Variants in CDH13 observed in about 807,000 individuals in gnomAD.
CDH13 encodes the protein cadherin-13.
Under a neutral mutation model 63.8 loss-of-function variants are expected in CDH13, and 24 were observed. That is an observed-to-expected ratio of 0.38 (90% CI 0.27 to 0.53). The LOEUF (loss-of-function observed/expected upper bound fraction) is 0.53. CDH13 is among the 20% of genes least tolerant of loss of function. CDH13 has a pLI of 0.85. For missense variants in CDH13, 1,049 were observed against 903.1 expected, an observed-to-expected ratio of 1.16 and a Z score of -2.07; for synonymous variants, 503 against 355.3, an observed-to-expected ratio of 1.42 and a Z score of -4.67.
intron 4 of CDH13, among the ~76,000 whole-genome samples, chr16:83,152,131 T>C (rs1342932356): frequency 1.3e-5 from 2 of 152,162 alleles, no homozygotes; most frequent in African/African-American, 2.4e-5. Flanking sequence ...AGAAATACCA[T>C]TTGTGATTAA....
At chr16:83,235,080 C>G (rs1344958681) in intron 5 of CDH13, among the ~76,000 whole-genome samples, 2 of 152,152 alleles carry the variant, frequency 1.3e-5, no homozygotes, top group African/African-American at 4.8e-5. Flanking sequence ...TGTTATGCAC[C>G]TATAATCCTA....
intron 4 of CDH13, among the ~76,000 whole-genome samples, chr16:83,184,127 TACAC>T (rs1195476406): frequency 1.9e-5 from 1 of 53,022 alleles, no homozygotes; most frequent in Non-Finnish European, 4.2e-5. Flanking sequence ...CACACACACA[TACAC>T]ACACACACAA....
intron 1 of CDH13, among the ~76,000 whole-genome samples, chr16:82,654,690 A>G (rs1025781092): frequency 6.6e-6 from 1 of 152,086 alleles, no homozygotes; most frequent in Non-Finnish European, 1.5e-5. Flanking sequence ...GTGGGCAAAG[A>G]TACAAATGCT....
chr16:83,306,212 A>G (rs149602904), intron 5 of CDH13, among the ~76,000 whole-genome samples: 7 of 152,366 alleles, frequency 4.6e-5, no homozygotes, highest in African/African-American at 7.2e-5. Context: ...AAAGTATTCT[A>G]TAAACAAGGG....
Position 83,296,159 on chromosome 16 carries a change from T to C in CDH13, c.637-48703T>C, listed in dbSNP as rs561465459. On this transcript the variant is annotated intron_variant, in intron 5 of 13. Coordinates refer to ENST00000567109, the MANE Select transcript of CDH13 (RefSeq NM_001257.5). ...TCTCAGAGAACATGTGTATAGTCCT[T>C]GTATAGGGCCATAATTTTCAGATAC... is the stretch of plus-strand genomic sequence containing the variant. 3.3e-5 allele frequency among the ~76,000 whole-genome samples: 5 copies of C among 152,228 alleles called. No homozygotes were observed. The South Asian group carries it at 1.0e-3, about 32-fold the overall frequency.
intron 1 of CDH13, among the ~76,000 whole-genome samples, chr16:82,835,871 T>G (rs768243037): frequency 8.5e-5 from 13 of 152,180 alleles, no homozygotes; most frequent in Non-Finnish European, 1.6e-4. Context: ...AATGAATGTA[T>G]GTCTTGATCA....
chr16:83,265,585 T>G (rs573344696), intron 5 of CDH13, among the ~76,000 whole-genome samples: 3 of 151,926 alleles, frequency 2.0e-5, no homozygotes, highest in Admixed American at 6.6e-5. Context: ...ATTTTAATGG[T>G]TTTTTTTGTT....
chr16:82,900,923 C>A (rs903836897), intron 2 of CDH13, among the ~76,000 whole-genome samples: 6 of 152,204 alleles, frequency 3.9e-5, no homozygotes, highest in Non-Finnish European at 8.8e-5. Flanking sequence ...ATCCCAAGCA[C>A]TAAATCCCAG....
intron 6 of CDH13, chr16:83,396,519 A>T (rs1376890004): frequency 6.6e-6 from 1 of 152,116 alleles, no homozygotes; most frequent in African/African-American, 2.4e-5. Flanking sequence ...TTTTTGTATC[A>T]TAATGACCTT....
At chr16:83,551,220 C>G (rs7500204) in intron 7 of CDH13, among the ~76,000 whole-genome samples, 1 of 152,086 alleles carries the variant, frequency 6.6e-6, no homozygotes, top group East Asian at 1.9e-4. Flanking sequence ...TAGCTGGGAT[C>G]ACAGGTGTAC....
intron 5 of CDH13, among the ~76,000 whole-genome samples, chr16:83,299,564 C>T (rs1349186973): frequency 6.6e-6 from 1 of 152,214 alleles, no homozygotes; most frequent in East Asian, 1.9e-4. Context: ...GTTCATTCCA[C>T]ATAAGTGTAT....
intron 2 of CDH13, among the ~76,000 whole-genome samples, chr16:82,922,449 A>C (rs1567664189): frequency 1.3e-5 from 2 of 152,316 alleles, no homozygotes; most frequent in Non-Finnish European, 2.9e-5. Flanking sequence ...GTTTCGAAGA[A>C]GCAAACATGA....
intron 5 of CDH13, among the ~76,000 whole-genome samples, chr16:83,280,404 G>C (rs556961698): frequency 1.3e-5 from 2 of 152,264 alleles, no homozygotes; most frequent in African/African-American, 2.4e-5. Context: ...GAGATGGCAG[G>C]AATTCATTCA....
At chr16:82,890,076 T>C (rs7201829) in intron 2 of CDH13, among the ~76,000 whole-genome samples, 120,942 of 152,216 alleles carry the variant, frequency 0.79, 48,166 homozygotes, top group East Asian at 0.87. Context: ...ACTAGCATTT[T>C]CATATGTTTC....
intron 5 of CDH13, among the ~76,000 whole-genome samples, chr16:83,280,912 T>C (rs2089150579): frequency 6.6e-6 from 1 of 152,242 alleles, no homozygotes; most frequent in Non-Finnish European, 1.5e-5. Flanking sequence ...AGCAGTGGGC[T>C]CAAAATATTC....
chr16:83,701,450 G>A (rs1006860712), intron 10 of CDH13, among the ~76,000 whole-genome samples: 8 of 152,144 alleles, frequency 5.3e-5, no homozygotes, highest in Non-Finnish European at 1.0e-4. Context: ...GGCCACATCC[G>A]GTCGTAGGCC....
At chr16:83,565,168 G>C (rs2075771066) in intron 7 of CDH13, among the ~76,000 whole-genome samples, 1 of 151,954 alleles carries the variant, frequency 6.6e-6, no homozygotes, top group Non-Finnish European at 1.5e-5. Context: ...TCAGACTCTT[G>C]TCCTCTAGAA....
chr16:83,680,564 T>C (rs1171294903), intron 10 of CDH13, among the ~76,000 whole-genome samples: 1 of 152,062 alleles, frequency 6.6e-6, no homozygotes, highest in Non-Finnish European at 1.5e-5. Context: ...AAGGTCACCT[T>C]ACTATTAAAC....
chr16:82,795,167 G>A (rs1333136832), intron 1 of CDH13, among the ~76,000 whole-genome samples: 1 of 152,226 alleles, frequency 6.6e-6, no homozygotes, highest in Admixed American at 6.5e-5. Context: ...GTGTTGGCAT[G>A]GAAGTTTTAG....
Sources: gnomAD v4.1 joint callset for allele counts (sites outside exome capture counted in the v4.1 genomes callset) on GRCh38, gnomAD v4.1.1 for gene constraint, MANE v1.5 for transcripts, NCBI Gene and HGNC (gene_info 2026-07-23, HGNC 2026-07-21) for gene names.